Variants in LOC128462377 observed in about 807,000 individuals in gnomAD.
At chr16:89,335,517 C>T in the LOC128462377 span, among the ~76,000 whole-genome samples, 1 of 152,214 alleles carries the variant, frequency 6.6e-6, no homozygotes, top group East Asian at 1.9e-4. Context: ...TCCCTATGAA[C>T]GCTATACCAC....
chr16:89,384,879 CTTTTTTTTTTTTTTTTTTT>C, the LOC128462377 span, among the ~76,000 whole-genome samples: 1 of 49,910 alleles, frequency 2.0e-5, no homozygotes, highest in African/African-American at 7.9e-5. Context: ...AAATAGTTTT[CTTTTTTTTTTTTTTTTTTT>C]TTTTTTTTTG....
chr16:89,355,058 T>G, the LOC128462377 span, among the ~76,000 whole-genome samples: 1 of 152,200 alleles, frequency 6.6e-6, no homozygotes, highest in Admixed American at 6.5e-5. Flanking sequence ...ACATGTTTGC[T>G]TTCATCTAAA....
At chr16:89,352,689 C>A in the LOC128462377 span, among the ~76,000 whole-genome samples, 3 of 152,228 alleles carry the variant, frequency 2.0e-5, no homozygotes, top group African/African-American at 7.2e-5. Context: ...CCTTCTCCAC[C>A]CAATTCACCA....
the LOC128462377 span, among the ~76,000 whole-genome samples, chr16:89,417,154 G>C: frequency 6.6e-6 from 1 of 152,178 alleles, no homozygotes; most frequent in Non-Finnish European, 1.5e-5. Flanking sequence ...TCATATGAAA[G>C]AAAGCAGTCA....
the LOC128462377 span, among the ~76,000 whole-genome samples, chr16:89,336,756 T>A: frequency 2.7e-4 from 41 of 152,274 alleles, 1 homozygote; most frequent in South Asian, 8.1e-3. Context: ...TCTAATGTTC[T>A]GACTACATGA....
the LOC128462377 span, among the ~76,000 whole-genome samples, chr16:89,344,217 G>A: frequency 3.3e-5 from 5 of 152,302 alleles, no homozygotes; most frequent in Admixed American, 6.5e-5. Context: ...AGGGCTTAAC[G>A]ATCCATTTCA....
the LOC128462377 span, among the ~76,000 whole-genome samples, chr16:89,341,855 TCCACCCACA>T: frequency 7.0e-6 from 1 of 141,886 alleles, no homozygotes; most frequent in Admixed American, 7.0e-5. Context: ...GTGCTGCACC[TCCACCCACA>T]GCGGCCACGG....
chr16:89,391,485 C>T, the LOC128462377 span, among the ~76,000 whole-genome samples: 1 of 152,170 alleles, frequency 6.6e-6, no homozygotes, highest in Non-Finnish European at 1.5e-5. Context: ...TGCTGCTGGG[C>T]AGAAAGCCCA....
chr16:89,326,353 G>T, the LOC128462377 span, among the ~76,000 whole-genome samples: 16 of 152,044 alleles, frequency 1.1e-4, no homozygotes, highest in Non-Finnish European at 4.4e-5. Flanking sequence ...GAGGAGGACG[G>T]TCTGCAGAAG....
the LOC128462377 span, among the ~76,000 whole-genome samples, chr16:89,368,352 G>T: frequency 2.1e-5 from 3 of 145,196 alleles, no homozygotes; most frequent in Non-Finnish European, 4.5e-5. Flanking sequence ...GCCTGCTGCC[G>T]TGCCTGGCTA....
the LOC128462377 span, among the ~76,000 whole-genome samples, chr16:89,398,280 G>GAAACAGCTGAAGATTACCTGTA: frequency 1.1e-3 from 64 of 57,452 alleles, no homozygotes; most frequent in Non-Finnish European, 2.2e-3. Context: ...GATTACCTGT[G>GAAACAGCTGAAGATTACCTGTA]ACCTCAGCAC....
the LOC128462377 span, among the ~76,000 whole-genome samples, chr16:89,410,082 G>C: frequency 6.6e-6 from 1 of 152,068 alleles, no homozygotes; most frequent in Non-Finnish European, 1.5e-5. Flanking sequence ...CTCGTGATCC[G>C]CCCGCCTCGG....
chr16:89,317,887 A>C, the LOC128462377 span, among the ~76,000 whole-genome samples: 1 of 152,072 alleles, frequency 6.6e-6, no homozygotes, highest in Non-Finnish European at 1.5e-5. Context: ...ATGCAACCCA[A>C]TCACCTTCTT....
the LOC128462377 span, among the ~76,000 whole-genome samples, chr16:89,350,223 C>T: frequency 4.6e-5 from 7 of 152,156 alleles, no homozygotes; most frequent in East Asian, 5.8e-4. Flanking sequence ...TCCCATTCAA[C>T]GCTGGTGGGA....
the LOC128462377 span, among the ~76,000 whole-genome samples, chr16:89,395,193 T>C: frequency 2.0e-5 from 3 of 152,162 alleles, no homozygotes; most frequent in Non-Finnish European, 4.4e-5. Flanking sequence ...AGAGGCTTGG[T>C]CAATTTTAAG....
the LOC128462377 span, among the ~76,000 whole-genome samples, chr16:89,327,226 T>A: frequency 2.0e-5 from 3 of 152,144 alleles, no homozygotes; most frequent in African/African-American, 7.2e-5. Flanking sequence ...AAACACCACA[T>A]AATCACAACT....
At chr16:89,364,722 C>G in the LOC128462377 span, among the ~76,000 whole-genome samples, 3 of 152,198 alleles carry the variant, frequency 2.0e-5, no homozygotes, top group African/African-American at 7.2e-5. Context: ...CTGCCATGGG[C>G]CGCGGGCTGG....
the LOC128462377 span, among the ~76,000 whole-genome samples, chr16:89,334,668 G>A: frequency 3.3e-5 from 5 of 152,040 alleles, no homozygotes; most frequent in East Asian, 3.9e-4. Context: ...CCACATCCAC[G>A]AGGGCCCAGG....
the LOC128462377 span, among the ~76,000 whole-genome samples, chr16:89,394,723 G>A: frequency 6.6e-6 from 1 of 152,020 alleles, no homozygotes; most frequent in Admixed American, 6.6e-5. Context: ...TTCATATACA[G>A]GAGTCGTGTT....
Sources: gnomAD v4.1 joint callset for allele counts (sites outside exome capture counted in the v4.1 genomes callset) on GRCh38, gnomAD v4.1.1 for gene constraint, MANE v1.5 for transcripts.